SORCS3: variants seen among roughly 807,000 people sequenced by gnomAD.
SORCS3 encodes sortilin related VPS10 domain containing receptor 3.
A neutral mutation model predicts 146.3 loss-of-function variants in SORCS3; 57 were observed. The ratio of observed to expected loss-of-function variants is 0.39; its 90% CI spans 0.31 to 0.49. SORCS3 has a LOEUF of 0.49. Ranked by LOEUF, SORCS3 falls within the 20% of genes least tolerant of loss-of-function variation. The probability of loss-of-function intolerance (pLI) is 0.92; values close to 1 mark genes in which losing one functional copy is unlikely to be tolerated. For synonymous variants in SORCS3, 653 were observed against 618.5 expected (o/e 1.06, Z -0.83); for missense variants, 1,341 against 1,575.5 (o/e 0.85, Z 2.52).
chr10:105,163,644 G>A (rs1004889090), intron 11 of SORCS3, among the ~76,000 whole-genome samples: 7 of 152,202 alleles, frequency 4.6e-5, no homozygotes, highest in Admixed American at 3.3e-4. Context: ...AGAAAAAGAA[G>A]GGCAGAGAGG....
At chr10:104,967,631 G>T (rs1332852003) in intron 3 of SORCS3, among the ~76,000 whole-genome samples, 2 of 151,990 alleles carry the variant, frequency 1.3e-5, no homozygotes. Flanking sequence ...TCTCCAACCT[G>T]CTTGGCATCA....
intron 1 of SORCS3, among the ~76,000 whole-genome samples, chr10:104,759,966 C>G (rs1386482567): frequency 5.3e-5 from 8 of 152,070 alleles, no homozygotes; most frequent in Non-Finnish European, 8.8e-5. Flanking sequence ...AAGTAATGTA[C>G]CGAGGGGAAG....
intron 4 of SORCS3, among the ~76,000 whole-genome samples, chr10:105,034,942 A>G (rs1589603145): frequency 6.6e-6 from 1 of 152,322 alleles, no homozygotes; most frequent in East Asian, 1.9e-4. Flanking sequence ...GCACTAAGGA[A>G]TGACCCTAGT....
At chr10:105,091,388 T>C (rs1234844165) in intron 6 of SORCS3, among the ~76,000 whole-genome samples, 4 of 55,356 alleles carry the variant, frequency 7.2e-5, no homozygotes, top group African/African-American at 2.9e-4. Context: ...CCCTCCTTCC[T>C]TCCTTCCCTC....
intron 14 of SORCS3, among the ~76,000 whole-genome samples, chr10:105,195,274 CT>C (rs1156316750): frequency 3.3e-5 from 5 of 152,088 alleles, no homozygotes; most frequent in Non-Finnish European, 7.3e-5. Context: ...AGATGAGAAA[CT>C]TTTACTGGAA....
At chr10:105,074,189 A>G (rs150161697) in intron 5 of SORCS3, among the ~76,000 whole-genome samples, 66 of 152,280 alleles carry the variant, frequency 4.3e-4, no homozygotes, top group Non-Finnish European at 8.7e-4. Flanking sequence ...TCTTGTCCAG[A>G]CAAGCCTGCA....
intron 2 of SORCS3, among the ~76,000 whole-genome samples, chr10:104,898,546 T>A (rs961736951): frequency 2.6e-5 from 4 of 152,232 alleles, no homozygotes; most frequent in African/African-American, 9.6e-5. Context: ...TGGCAGGGAC[T>A]GATTAGATAT....
chr10:105,168,172 G>A (rs2056329914), intron 13 of SORCS3, among the ~76,000 whole-genome samples: 1 of 152,084 alleles, frequency 6.6e-6, no homozygotes, highest in Admixed American at 6.5e-5. Context: ...GACTATAATA[G>A]ATTTATAAAC....
In SORCS3 at chr10:105,223,725, A is replaced by G. The variant is rs182723088; in HGVS notation, c.2868+476A>G. Among the ~76,000 whole-genome samples the G allele has an allele frequency of 2.3e-3, 343 of 152,320 alleles. 2 individuals carry two copies. Among genetic ancestry groups the G allele is most frequent in the African/African-American group, 7.7e-3 (321 of 41,580 alleles). ...AGAAATGCTAGCATTCTTTTCAGGC[A>G]AGGTGCTGAGGTTGCCACGTCTCAA... On this transcript the variant is annotated intron_variant, in intron 20 of 26. Coordinates refer to ENST00000369701, the MANE Select transcript of SORCS3 (RefSeq NM_014978.3).
intron 1 of SORCS3, among the ~76,000 whole-genome samples, chr10:104,687,236 G>A (rs1045563855): frequency 7.9e-5 from 12 of 152,176 alleles, no homozygotes; most frequent in Non-Finnish European, 1.3e-4. Flanking sequence ...CCTTAGATGA[G>A]GGCTCATGAC....
intron 1 of SORCS3, among the ~76,000 whole-genome samples, chr10:104,733,794 G>A (rs2133454580): frequency 6.6e-6 from 1 of 152,142 alleles, no homozygotes; most frequent in African/African-American, 2.4e-5. Flanking sequence ...TTTTGTGGTG[G>A]AGGAGAAGGC....
At chr10:105,130,784 C>A (rs560797961) in intron 7 of SORCS3, among the ~76,000 whole-genome samples, 1 of 152,210 alleles carries the variant, frequency 6.6e-6, no homozygotes, top group Admixed American at 6.5e-5. Flanking sequence ...AAAACTGCAT[C>A]AATATTGCAG....
At chr10:104,688,361 G>A (rs899024765) in intron 1 of SORCS3, among the ~76,000 whole-genome samples, 8 of 152,208 alleles carry the variant, frequency 5.3e-5, no homozygotes, top group African/African-American at 1.9e-4. Flanking sequence ...TGTGTGGGGG[G>A]GCAGTTGGAG....
chr10:104,743,047 A>G lies in SORCS3; in HGVS notation c.628-99745A>G, dbSNP rs529865029. On this transcript the variant is annotated intron_variant, in intron 1 of 26. Transcript: ENST00000369701. The stretch of plus-strand genomic sequence containing the variant: ...TTACCTTTTAAAAAATTTCATAATA[A>G]TCCTGTGGGGTGGATAGAACATGTA... Among the ~76,000 whole-genome samples, 19 of 152,320 alleles carry G rather than the reference A, an allele frequency of 1.2e-4. No homozygotes were observed. In the South Asian group the frequency reaches 1.9e-3, roughly 15 times the overall value.
At chr10:104,659,616 G>C (rs1421380150) in intron 1 of SORCS3, among the ~76,000 whole-genome samples, 1 of 152,122 alleles carries the variant, frequency 6.6e-6, no homozygotes, top group Non-Finnish European at 1.5e-5. Flanking sequence ...CCCCTGACTA[G>C]GTAGCTGTGA....
chr10:105,110,050 C>T (rs1169790777), intron 7 of SORCS3, among the ~76,000 whole-genome samples: 1 of 151,804 alleles, frequency 6.6e-6, no homozygotes, highest in Non-Finnish European at 1.5e-5. Context: ...CAAAAGAGAG[C>T]CATAATTTCT....
At chr10:105,222,066 T>C (rs1212838388) in intron 19 of SORCS3, among the ~76,000 whole-genome samples, 3 of 147,660 alleles carry the variant, frequency 2.0e-5, no homozygotes, top group Non-Finnish European at 4.5e-5. Flanking sequence ...TTTTTTTTTT[T>C]TTTTTAGTTA....
chr10:104,778,004 T>C (rs1037138636), intron 1 of SORCS3, among the ~76,000 whole-genome samples: 7 of 152,294 alleles, frequency 4.6e-5, no homozygotes, highest in African/African-American at 1.7e-4. Flanking sequence ...AAGCTCATTA[T>C]TGAGTATGAA....
chr10:104,705,309 T>C (rs1014123933), intron 1 of SORCS3, among the ~76,000 whole-genome samples: 2 of 147,004 alleles, frequency 1.4e-5, no homozygotes, highest in African/African-American at 5.0e-5. Context: ...TAATACATCA[T>C]CTATGATTTC....
Sources: gnomAD v4.1 joint callset for allele counts (sites outside exome capture counted in the v4.1 genomes callset) on GRCh38, gnomAD v4.1.1 for gene constraint, MANE v1.5 for transcripts, NCBI Gene and HGNC (gene_info 2026-07-23, HGNC 2026-07-21) for gene names.